Variants in ITGB6 observed in about 807,000 individuals in gnomAD.
The protein encoded by ITGB6 is integrin subunit beta 6.
A neutral mutation model predicts 84.5 loss-of-function variants in ITGB6; 80 were observed. The observed-to-expected ratio is 0.95, with a 90% CI of 0.79 to 1.14. The LOEUF is 1.14. Ranked by LOEUF, ITGB6 falls within the 50% of genes most tolerant of loss-of-function variation. ITGB6 has a pLI of 0.00. For synonymous variants in ITGB6, 383 were observed against 354.9 expected (o/e 1.08, Z -0.89); for missense variants, 1,006 against 968.0 (o/e 1.04, Z -0.52).
intron 4 of ITGB6, among the ~76,000 whole-genome samples, chr2:160,185,929 C>G (rs1002593501): frequency 2.0e-5 from 3 of 152,066 alleles, no homozygotes; most frequent in African/African-American, 7.2e-5. Flanking sequence ...ATGCAAAAAA[C>G]TGAACTGGAC....
Position 160,117,143 on chromosome 2 carries a change from C to T in ITGB6, c.1982-4944G>A, listed in dbSNP as rs1178533264. ...TAACAAGGATACCCAGGAATTGAAC[C>T]CAGCTCTGCACCAAGCGGACCTAAT... is the stretch of plus-strand genomic sequence containing the variant. On this transcript the variant is annotated intron_variant, in intron 12 of 14. Transcript: ENST00000283249. Among the ~76,000 whole-genome samples the T allele has an allele frequency of 5.9e-5, 9 of 151,762 alleles. No homozygotes were observed. In the South Asian group the frequency reaches 6.3e-4, roughly 11 times the overall value.
chr2:160,200,156 T>C lies in ITGB6; in HGVS notation c.-93A>G. 1.0e-6 allele frequency: 1 copy of C among 991,382 alleles called. No homozygotes were observed. The highest frequency in any genetic ancestry group is 1.4e-5 in the South Asian group (1 of 71,788). The allele number at this position is 991,382 out of a possible 1,614,324, so 61.4% of individuals were successfully genotyped here. A position where few individuals can be genotyped will look rare whatever the true frequency, so the allele number is the denominator to read the frequency against. ...TGAATATCGTTAAAGTCTTTCTTTC[T>C]TGAAGTATAACATTTTAAATACTAC... On this transcript the variant is annotated 5_prime_UTR_variant, in exon 1 of 15. Transcript: ENST00000283249.
intron 6 of ITGB6, among the ~76,000 whole-genome samples, chr2:160,169,820 G>A (rs192631288): frequency 3.3e-4 from 51 of 152,280 alleles, no homozygotes; most frequent in Non-Finnish European, 6.3e-4. Context: ...CTAATCCTTG[G>A]GTTTGGTTTT....
At position 160,126,384 on chromosome 2, in the gene ITGB6, A is replaced by G; in HGVS notation, c.1878T>C (p.Ser626=). 1 of 1,613,830 alleles carries G rather than the reference A, an allele frequency of 6.2e-7. No homozygotes were observed. The change falls in exon 11 of 15, where the codon TCT becomes TCC. Residue 626 remains serine, a synonymous_variant. Transcript: ENST00000283249. The part of the protein sequence containing the change: ...RCPTCGDPCN[S]KRSCIECHLS... ...GAGAAAAGCAGAGACATTACCGTTT[A>G]GAGTTACAGGGGTCACCACAGGTAG...
intron 10 of ITGB6, among the ~76,000 whole-genome samples, chr2:160,133,314 G>C (rs540215463): frequency 1.3e-5 from 2 of 152,098 alleles, no homozygotes; most frequent in Non-Finnish European, 2.9e-5. Context: ...AAGAGAAAAG[G>C]CCATTACATA....
chr2:160,161,269 C>T (rs137894108), intron 7 of ITGB6, among the ~76,000 whole-genome samples: 3 of 152,094 alleles, frequency 2.0e-5, no homozygotes, highest in Non-Finnish European at 4.4e-5. Context: ...TAACTACATG[C>T]AATTTAATTT....
chr2:160,128,933 G>T (rs1157005601), intron 10 of ITGB6, among the ~76,000 whole-genome samples: 4 of 152,090 alleles, frequency 2.6e-5, no homozygotes, highest in Non-Finnish European at 4.4e-5. Context: ...TGGGCCTGAA[G>T]TTTGGGGTTT....
chr2:160,154,231 C>T (rs4664317), intron 7 of ITGB6, among the ~76,000 whole-genome samples: 14,422 of 152,178 alleles, frequency 0.095, 1,106 homozygotes, highest in East Asian at 0.31. Context: ...GGCACATATA[C>T]ACCATGGAAT....
intron 6 of ITGB6, among the ~76,000 whole-genome samples, chr2:160,171,717 T>C (rs992271379): frequency 6.6e-6 from 1 of 152,210 alleles, no homozygotes; most frequent in Admixed American, 6.5e-5. Flanking sequence ...GGTCTGGACC[T>C]GAGGATTGTG....
chr2:160,145,027 C>T (rs567871849), intron 7 of ITGB6, among the ~76,000 whole-genome samples: 83 of 152,270 alleles, frequency 5.5e-4, no homozygotes, highest in Non-Finnish European at 8.4e-4. Flanking sequence ...AAAATTTATA[C>T]TTTAAATATT....
intron 6 of ITGB6, among the ~76,000 whole-genome samples, chr2:160,170,682 C>T (rs1330709565): frequency 6.6e-6 from 1 of 152,088 alleles, no homozygotes; most frequent in Non-Finnish European, 1.5e-5. Flanking sequence ...GGAATCTGGC[C>T]TGAGTTTTGA....
chr2:160,181,311 A>T (rs1018196920), intron 4 of ITGB6, among the ~76,000 whole-genome samples: 3 of 152,162 alleles, frequency 2.0e-5, no homozygotes, highest in Non-Finnish European at 2.9e-5. Flanking sequence ...GGGGAGGGGC[A>T]TCTGCCATTA....
At chr2:160,130,757 T>C (rs1294867888) in intron 10 of ITGB6, among the ~76,000 whole-genome samples, 1 of 152,228 alleles carries the variant, frequency 6.6e-6, no homozygotes, top group African/African-American at 2.4e-5. Context: ...GGGAAACTTA[T>C]GATAGAAAGA....
At chr2:160,121,672 G>A (rs1574052847) in intron 12 of ITGB6, among the ~76,000 whole-genome samples, 1 of 151,702 alleles carries the variant, frequency 6.6e-6, no homozygotes, top group African/African-American at 2.4e-5. Context: ...TGTAGTCCCA[G>A]GTACTCATGA....
At chr2:160,103,751 G>A (rs1437742394) in intron 14 of ITGB6, among the ~76,000 whole-genome samples, 1 of 152,172 alleles carries the variant, frequency 6.6e-6, no homozygotes, top group African/African-American at 2.4e-5. Context: ...AGCAATGACA[G>A]GGTAAGCCTG....
At chr2:160,191,750 A>T (rs553075117) in intron 4 of ITGB6, among the ~76,000 whole-genome samples, 19 of 152,322 alleles carry the variant, frequency 1.2e-4, no homozygotes, top group African/African-American at 4.6e-4. Flanking sequence ...ATGTGATCAT[A>T]TACACAGAAA....
chr2:160,174,226 A>G, intron 4 of ITGB6, 87 bp from the exon 5 acceptor site: 2 of 1,025,778 alleles, frequency 1.9e-6, no homozygotes, highest in Non-Finnish European at 2.8e-6. Flanking sequence ...ACATTCTCCT[A>G]AATGAAGATT....
Position 160,172,561 on chromosome 2 carries a change from TTACACAC to T in ITGB6, c.921+1_921+7del, listed in dbSNP as rs1387920150. On this transcript the variant is annotated splice_donor_variant and splice_donor_5th_base_variant and intron_variant, in intron 6 of 14. Transcript: ENST00000283249. LOFTEE classifies it high-confidence loss of function. ...CCCTGAAAACAGTACAGAGTGCAGG[TTACACAC>T]CAAGACAGTTGACATGGAGTATTCA... The T allele has an allele frequency of 6.3e-7, 1 of 1,589,672 alleles. No individual in the cohort carries two copies. The highest frequency in any genetic ancestry group is 8.6e-7 in the Non-Finnish European group (1 of 1,159,988).
In ITGB6 at chr2:160,100,516, A is replaced by G. The variant is rs1696675698; in HGVS notation, c.*1220T>C. 1 of 152,230 alleles carries G rather than the reference A, an allele frequency of 6.6e-6. No individual in the cohort carries two copies. Among genetic ancestry groups the G allele is most frequent in the Non-Finnish European group, 1.5e-5 (1 of 68,034 alleles). The allele number at this position is 152,230 out of a possible 1,614,324, so 9.4% of individuals were successfully genotyped here. ...CTAGATTCTGAACCCAGCTCTACTC[A>G]TTCTGAGCCTTAGTTTCCTTATGAG... On this transcript the variant is annotated 3_prime_UTR_variant, in exon 15 of 15. Coordinates refer to ENST00000283249, the MANE Select transcript of ITGB6 (RefSeq NM_000888.5).
Sources: allele counts gnomAD v4.1 joint callset (sites outside exome capture counted in the v4.1 genomes callset), GRCh38; gene constraint gnomAD v4.1.1; transcripts MANE v1.5; gene names NCBI Gene and HGNC (gene_info 2026-07-23, HGNC 2026-07-21).